Variants in CPNE4 observed in about 807,000 individuals in gnomAD.
The protein encoded by CPNE4 is copine-4.
Under a neutral mutation model 67.9 loss-of-function variants are expected in CPNE4, and 25 were observed. That is an observed-to-expected ratio of 0.37 (90% confidence interval 0.27 to 0.51). CPNE4 has a LOEUF of 0.51. Among genes scored for constraint, CPNE4 ranks in the 20% least tolerant of loss-of-function variants. The pLI is 0.93. For synonymous variants in CPNE4, 242 were observed against 244.9 expected, an observed-to-expected ratio of 0.99 and a Z score of 0.11; for missense variants, 464 against 690.8, an observed-to-expected ratio of 0.67 and a Z score of 3.68.
intron 2 of CPNE4, among the ~76,000 whole-genome samples, chr3:131,860,552 A>C (rs144404081): frequency 2.1e-3 from 314 of 152,290 alleles, no homozygotes; most frequent in African/African-American, 7.1e-3. Context: ...AGCTCTCCAC[A>C]CATTTTAACA....
intron 1 of CPNE4, among the ~76,000 whole-genome samples, chr3:131,954,276 CT>C (rs2071867940): frequency 6.6e-6 from 1 of 152,096 alleles, no homozygotes; most frequent in African/African-American, 2.4e-5. Context: ...TACATGAAAT[CT>C]TTTTATAAAT....
At chr3:131,803,807 G>A (rs1055131970) in intron 2 of CPNE4, among the ~76,000 whole-genome samples, 2 of 152,134 alleles carry the variant, frequency 1.3e-5, no homozygotes, top group Non-Finnish European at 2.9e-5. Context: ...AGTAAATTAC[G>A]TACCTCTAAT....
At chr3:131,977,980 T>A (rs1043602070) in intron 1 of CPNE4, among the ~76,000 whole-genome samples, 1 of 144,330 alleles carries the variant, frequency 6.9e-6, no homozygotes, top group Non-Finnish European at 1.5e-5. Flanking sequence ...TAGCCTTTAA[T>A]CTCATCCAGG....
intron 7 of CPNE4, among the ~76,000 whole-genome samples, chr3:131,639,330 G>A (rs1421794414): frequency 6.6e-6 from 1 of 151,974 alleles, no homozygotes; most frequent in Admixed American, 6.6e-5. Context: ...ATTGGTAGAT[G>A]TTACAACTGA....
At chr3:131,819,173 A>G (rs2084860800) in intron 2 of CPNE4, among the ~76,000 whole-genome samples, 1 of 152,178 alleles carries the variant, frequency 6.6e-6, no homozygotes, top group Admixed American at 6.5e-5. Flanking sequence ...TACGATTCCA[A>G]AAGTATACAT....
At chr3:131,627,212 A>AAAG (rs2079100794) in intron 7 of CPNE4, among the ~76,000 whole-genome samples, 4 of 150,278 alleles carry the variant, frequency 2.7e-5, no homozygotes, top group African/African-American at 7.4e-5. Context: ...AAAAAAAAAG[A>AAAG]AAAAAAGAAA....
chr3:131,615,884 C>T (rs1261015411), intron 7 of CPNE4, among the ~76,000 whole-genome samples: 1 of 135,936 alleles, frequency 7.4e-6, no homozygotes, highest in Non-Finnish European at 1.5e-5. Context: ...AACCCCATCT[C>T]TCTCTCTCAC....
intron 1 of CPNE4, among the ~76,000 whole-genome samples, chr3:131,924,711 G>C (rs1344224768): frequency 1.3e-5 from 2 of 152,128 alleles, no homozygotes; most frequent in Admixed American, 6.6e-5. Flanking sequence ...TCCCTAGAAA[G>C]GATGTAATAG....
At chr3:131,844,449 G>T (rs1445858215) in intron 2 of CPNE4, among the ~76,000 whole-genome samples, 1 of 151,940 alleles carries the variant, frequency 6.6e-6, no homozygotes, top group Non-Finnish European at 1.5e-5. Context: ...GTATTTTTCA[G>T]TAGAGACGAG....
At chr3:131,826,135 T>C (rs1468770830) in intron 2 of CPNE4, among the ~76,000 whole-genome samples, 2 of 152,242 alleles carry the variant, frequency 1.3e-5, no homozygotes, top group Non-Finnish European at 2.9e-5. Flanking sequence ...CCTGTAAATG[T>C]AGACACATAG....
intron 2 of CPNE4, among the ~76,000 whole-genome samples, chr3:131,817,125 A>C (rs970001067): frequency 6.6e-6 from 1 of 152,158 alleles, no homozygotes; most frequent in Non-Finnish European, 1.5e-5. Context: ...GAGGAGGTGC[A>C]AATACTTTGG....
intron 2 of CPNE4, among the ~76,000 whole-genome samples, chr3:131,868,918 C>T (rs1321187399): frequency 6.6e-6 from 1 of 152,084 alleles, no homozygotes; most frequent in Non-Finnish European, 1.5e-5. Flanking sequence ...CTGTAAAGGA[C>T]TCATATTCTC....
chr3:132,018,053 G>C (rs1285867769), intron 1 of CPNE4, among the ~76,000 whole-genome samples: 1 of 152,148 alleles, frequency 6.6e-6, no homozygotes, highest in Non-Finnish European at 1.5e-5. Flanking sequence ...CTTGGCAAAT[G>C]TACAACTCTT....
intron 3 of CPNE4, among the ~76,000 whole-genome samples, chr3:131,713,127 G>GTT (rs5852640): frequency 3.2e-4 from 48 of 149,196 alleles, no homozygotes; most frequent in Middle Eastern, 6.9e-3. Flanking sequence ...TCCTGTAGCT[G>GTT]TTTTTTTTTT....
At chr3:131,644,929 A>C (rs1467081519) in intron 7 of CPNE4, among the ~76,000 whole-genome samples, 3 of 152,234 alleles carry the variant, frequency 2.0e-5, no homozygotes, top group Non-Finnish European at 2.9e-5. Flanking sequence ...CAGGTCAATA[A>C]AATTTTCAGA....
chr3:131,951,354 C>T (rs1191644599), intron 1 of CPNE4, among the ~76,000 whole-genome samples: 3 of 152,032 alleles, frequency 2.0e-5, no homozygotes, highest in African/African-American at 4.8e-5. Context: ...TCTTGAAATC[C>T]TCTGAACTCC....
intron 1 of CPNE4, among the ~76,000 whole-genome samples, chr3:131,978,937 T>C (rs575239274): frequency 6.6e-6 from 1 of 152,204 alleles, no homozygotes; most frequent in African/African-American, 2.4e-5. Context: ...CATCTTAATT[T>C]TGTTTTTGAT....
chr3:131,616,391 G>A (rs1471091997), intron 7 of CPNE4, among the ~76,000 whole-genome samples: 3 of 152,276 alleles, frequency 2.0e-5, no homozygotes, highest in African/African-American at 7.2e-5. Flanking sequence ...TATTTAATAA[G>A]GACTGTGAGC....
intron 2 of CPNE4, among the ~76,000 whole-genome samples, chr3:131,725,059 GTT>G (rs1296371420): frequency 6.6e-6 from 1 of 152,140 alleles, no homozygotes; most frequent in Admixed American, 6.5e-5. Context: ...TAGAAATATG[GTT>G]TATTGGATGT....
Sources: gnomAD v4.1 joint callset for allele counts (sites outside exome capture counted in the v4.1 genomes callset) on GRCh38, gnomAD v4.1.1 for gene constraint, MANE v1.5 for transcripts, NCBI Gene and HGNC (gene_info 2026-07-23, HGNC 2026-07-21) for gene names.